Variants in ECE1 observed in about 807,000 individuals in gnomAD.
The protein encoded by ECE1 is endothelin converting enzyme 1, also known as endothelin-converting enzyme 1.
Under a neutral mutation model 98.6 loss-of-function variants are expected in ECE1, and 35 were observed. That is an observed-to-expected ratio of 0.35 (90% CI 0.27 to 0.47). The LOEUF (loss-of-function observed/expected upper bound fraction) is 0.47, where lower values mean the gene tolerates loss of function less well. Ranked by LOEUF, ECE1 falls within the 20% of genes least tolerant of loss-of-function variation. ECE1 has a pLI of 1.00. For synonymous variants in ECE1, 394 were observed against 407.1 expected, an observed-to-expected ratio of 0.97 and a Z score of 0.39; for missense variants, 814 against 1,025.3, an observed-to-expected ratio of 0.79 and a Z score of 2.81.
upstream of ECE1, chr1:21,293,801 C>A (rs1442706177): frequency 2.6e-5 from 4 of 152,444 alleles, no homozygotes; most frequent in East Asian, 7.7e-4. Flanking sequence ...CCATTCACTA[C>A]CCCAATGGCT....
intron 10 of ECE1, 189 bp from the exon 11 acceptor site, chr1:21,238,433 C>A: frequency 1.6e-6 from 1 of 640,864 alleles, no homozygotes. Flanking sequence ...CCACCCCCTG[C>A]CATTTCCTGA....
intron 2 of ECE1, among the ~76,000 whole-genome samples, chr1:21,282,074 C>T (rs545484265): frequency 2.6e-5 from 4 of 151,700 alleles, no homozygotes; most frequent in East Asian, 3.9e-4. Context: ...ATGGCTTGAG[C>T]CCAGGAGTTC....
intron 1 of ECE1, among the ~76,000 whole-genome samples, chr1:21,310,856 A>G (rs926798505): frequency 2.6e-5 from 4 of 152,174 alleles, no homozygotes; most frequent in Non-Finnish European, 5.9e-5. Context: ...GGGGCCAACC[A>G]GGATGAAAAT....
rs959319521 is a variant in ECE1, at chr1:21,319,921, T to A, written c.3+25455A>T. On this transcript the variant is annotated intron_variant, in intron 1 of 18. Coordinates refer to the ECE1 transcript ENST00000415912. The surrounding 1 kb of genome is among the most constrained non-coding windows in gnomAD (Gnocchi z 4.4). Reference sequence around the variant, plus strand: ...CCCCACCCCACTCCAGATCTTCTGTTTACACTCGGCAGCAGCGTCCCATCT... The same window carrying A: ...CCCCACCCCACTCCAGATCTTCTGTATACACTCGGCAGCAGCGTCCCATCT... 6.6e-6 allele frequency among the ~76,000 whole-genome samples: 1 copy of A among 152,154 alleles called. No individual in the cohort carries two copies. The highest frequency in any genetic ancestry group is 2.4e-5 in the African/African-American group (1 of 41,430).
chr1:21,338,908 C>T (rs544158582), intron 1 of ECE1, among the ~76,000 whole-genome samples: 2 of 147,908 alleles, frequency 1.4e-5, no homozygotes, highest in African/African-American at 5.1e-5. Flanking sequence ...GCCCCAGGCC[C>T]ACCCTCCTGC....
At chr1:21,264,891 G>A (rs1391887462) in intron 4 of ECE1, among the ~76,000 whole-genome samples, 1 of 152,126 alleles carries the variant, frequency 6.6e-6, no homozygotes, top group African/African-American at 2.4e-5. Flanking sequence ...ATGGCTGGCT[G>A]GTCTCTTCTC....
intron 14 of ECE1, among the ~76,000 whole-genome samples, chr1:21,231,647 C>T (rs2098181887): frequency 6.6e-6 from 1 of 151,788 alleles, no homozygotes; most frequent in Non-Finnish European, 1.5e-5. Flanking sequence ...TGGCCAAGAA[C>T]TCTATTTATG....
intron 1 of ECE1, among the ~76,000 whole-genome samples, chr1:21,297,807 G>GATTAC (rs1402374324): frequency 2.0e-5 from 3 of 150,874 alleles, no homozygotes; most frequent in Admixed American, 2.0e-4. Flanking sequence ...AAAGTGCTGG[G>GATTAC]ATTACAGATG....
At chr1:21,237,648 G>C (rs138808436) in intron 11 of ECE1, among the ~76,000 whole-genome samples, 9 of 152,298 alleles carry the variant, frequency 5.9e-5, no homozygotes, top group African/African-American at 2.2e-4. Context: ...GAATGCCCCC[G>C]TCTCCACATT....
Position 21,245,715 on chromosome 1 carries a change from G to T in ECE1, c.1164-612C>A, listed in dbSNP as rs28368002. Reference sequence around the variant, plus strand: ...CTGATAATGAGAAGGAGGAAGTAAAGAACTGTATTTGTACACGACGGAGTA... The same window carrying T: ...CTGATAATGAGAAGGAGGAAGTAAATAACTGTATTTGTACACGACGGAGTA... On this transcript the variant is annotated intron_variant, in intron 9 of 18. Transcript: ENST00000374893. 4.8e-3 allele frequency among the ~76,000 whole-genome samples: 734 copies of T among 152,210 alleles called. 7 individuals are homozygous for T. Among genetic ancestry groups the T allele is most frequent in the East Asian group, 0.034 (177 of 5,180 alleles).
chr1:21,275,837 C>T (rs866435595), intron 3 of ECE1, among the ~76,000 whole-genome samples: 7 of 152,014 alleles, frequency 4.6e-5, no homozygotes, highest in East Asian at 1.9e-4. Flanking sequence ...AAACCTTCAT[C>T]GACCCCCTTC....
In ECE1 at chr1:21,322,765, G is replaced by A. The variant is rs1001543984; in HGVS notation, c.3+22611C>T. 6.6e-6 allele frequency among the ~76,000 whole-genome samples: 1 copy of A among 152,184 alleles called. No individual in the cohort carries two copies. The highest frequency in any genetic ancestry group is 2.4e-5 in the African/African-American group (1 of 41,436). ...CTTGTCAGGAAGGACAAGAGGTTCT[G>A]ATCTAGCACTCTGCTGAGAGAAAGA... On this transcript the variant is annotated intron_variant, in intron 1 of 18. Transcript: ENST00000415912. This position sits in a 1 kb window ranked among gnomAD's most constrained non-coding sequence, Gnocchi z 4.1.
In ECE1 at chr1:21,345,236, G is replaced by A. The variant is rs544920208; in HGVS notation, c.3+140C>T. ...CGCTCCCCGACTCCACGCCTTCCGA[G>A]AGCCGGGCGGGGGCTGCTGCTGCAG... On this transcript the variant is annotated intron_variant, in intron 1 of 18. Coordinates refer to the ECE1 transcript ENST00000415912. This position sits in a 1 kb window ranked among gnomAD's most constrained non-coding sequence, Gnocchi z 5.1. 4.8e-4 allele frequency: 537 copies of A among 1,123,530 alleles called. 1 individual carries two copies. In the African/African-American group the frequency reaches 8.3e-3, roughly 17 times the overall value. The allele number at this position is 1,123,530 out of a possible 1,614,324, so 69.6% of individuals were successfully genotyped here.
At chr1:21,343,770 G>A (rs112116662) in intron 1 of ECE1, among the ~76,000 whole-genome samples, 1 of 152,186 alleles carries the variant, frequency 6.6e-6, no homozygotes, top group African/African-American at 2.4e-5. Context: ...CAGTTGTAAG[G>A]ATCTATAAAG....
rs1292268956 is a variant in ECE1 at position 21,281,680 on chromosome 1, G to T, written c.139-2348C>A. On this transcript the variant is annotated intron_variant, in intron 2 of 18. Transcript: ENST00000374893. ...CTCACAGGGCACAAGGAGGCCGTGA[G>T]ACAGTGTTTTGTTTTGTTTTGTTTT... is the stretch of plus-strand genomic sequence containing the variant. 2.6e-5 allele frequency among the ~76,000 whole-genome samples: 4 copies of T among 151,832 alleles called. No homozygotes were observed. The East Asian group carries it at 7.8e-4, about 29-fold the overall frequency.
upstream of ECE1, among the ~76,000 whole-genome samples, chr1:21,292,426 T>A (rs1638223410): frequency 6.6e-6 from 1 of 152,176 alleles, no homozygotes; most frequent in Admixed American, 6.5e-5. Flanking sequence ...CTTCCCATGG[T>A]CAGCTCCAAC....
In ECE1 at chr1:21,309,329, T is replaced by C. The variant is rs543835374; in HGVS notation, c.4-19173A>G. Among the ~76,000 whole-genome samples the C allele has an allele frequency of 1.2e-4, 19 of 152,320 alleles. No homozygotes were observed. The South Asian group carries it at 3.3e-3, about 27-fold the overall frequency. On this transcript the variant is annotated intron_variant, in intron 1 of 18. Coordinates refer to the ECE1 transcript ENST00000415912. ...GCTCTGTCATTTACCAACTGTGACCTTGAGTGAGTTACTTAACCTCTCTGT... is the reference window on the plus strand; with the variant it reads ...GCTCTGTCATTTACCAACTGTGACCCTGAGTGAGTTACTTAACCTCTCTGT...
chr1:21,237,612 T>A (rs2098190017), intron 11 of ECE1, among the ~76,000 whole-genome samples: 1 of 152,158 alleles, frequency 6.6e-6, no homozygotes. Flanking sequence ...GTGTGTGGCA[T>A]CTCATTTAAT....
At chr1:21,263,267 G>A (rs1280042206) in intron 4 of ECE1, among the ~76,000 whole-genome samples, 1 of 152,192 alleles carries the variant, frequency 6.6e-6, no homozygotes, top group Non-Finnish European at 1.5e-5. Flanking sequence ...TGCAAGAACA[G>A]AGCCCAGTGT....
Sources: gnomAD v4.1 joint callset for allele counts (sites outside exome capture counted in the v4.1 genomes callset) on GRCh38, gnomAD v4.1.1 for gene constraint, Gnocchi (gnomAD v3.1) non-coding constraint, MANE v1.5 for transcripts, NCBI Gene and HGNC (gene_info 2026-07-23, HGNC 2026-07-21) for gene names.